GMPR: variants seen among roughly 807,000 people sequenced by gnomAD.
The protein encoded by GMPR is GMP reductase 1.
In GMPR, 31 loss-of-function variants were observed where a neutral mutation model predicts 38.4. The observed-to-expected ratio is 0.81, with a 90% CI of 0.61 to 1.09. The LOEUF is 1.09. GMPR is among the 50% of genes least tolerant of loss of function. The pLI is 0.00. For missense variants in GMPR, 468 were observed against 453.7 expected (o/e 1.03, Z -0.29); for synonymous variants, 162 against 173.3 (o/e 0.93, Z 0.51).
At chr6:16,268,985 G>GA (rs1266208216) in intron 4 of GMPR, among the ~76,000 whole-genome samples, 1 of 149,336 alleles carries the variant, frequency 6.7e-6, no homozygotes, top group Non-Finnish European at 1.5e-5. Context: ...GTCCCTTCAC[G>GA]AAAAAAATAA....
intron 4 of GMPR, among the ~76,000 whole-genome samples, chr6:16,255,859 TA>T (rs1388381054): frequency 6.6e-6 from 1 of 152,224 alleles, no homozygotes; most frequent in African/African-American, 2.4e-5. Flanking sequence ...AGTCTTCTTC[TA>T]AAGGACTTTC....
At chr6:16,240,071 A>C (rs1386025734) in intron 1 of GMPR, among the ~76,000 whole-genome samples, 1 of 152,214 alleles carries the variant, frequency 6.6e-6, no homozygotes, top group African/African-American at 2.4e-5. Flanking sequence ...GACCAAGATG[A>C]AATAGGGGGA....
intron 4 of GMPR, among the ~76,000 whole-genome samples, chr6:16,265,499 G>C (rs1561826234): frequency 6.6e-6 from 1 of 152,170 alleles, no homozygotes; most frequent in Non-Finnish European, 1.5e-5. Context: ...GGTCCAGTGG[G>C]GACTTGGAGA....
chr6:16,252,519 T>G (rs937208283), intron 3 of GMPR, among the ~76,000 whole-genome samples: 1 of 152,204 alleles, frequency 6.6e-6, no homozygotes, highest in Non-Finnish European at 1.5e-5. Flanking sequence ...ATTATAGGCA[T>G]GAGCCACCAT....
At chr6:16,278,365 G>A (rs1759515439) in intron 5 of GMPR, among the ~76,000 whole-genome samples, 2 of 152,200 alleles carry the variant, frequency 1.3e-5, no homozygotes, top group African/African-American at 2.4e-5. Flanking sequence ...AAGGTTGAAG[G>A]TAAAGAAGCT....
intron 4 of GMPR, among the ~76,000 whole-genome samples, chr6:16,264,081 A>G (rs1356272341): frequency 6.6e-6 from 1 of 151,954 alleles, no homozygotes; most frequent in Non-Finnish European, 1.5e-5. Flanking sequence ...GCGTGGTCTG[A>G]CACCTCTGAA....
chr6:16,277,361 A>C (rs1431262152), intron 5 of GMPR, among the ~76,000 whole-genome samples: 1 of 152,120 alleles, frequency 6.6e-6, no homozygotes, highest in Non-Finnish European at 1.5e-5. Flanking sequence ...TTAGCATCCT[A>C]CAAGGTGGTG....
intron 4 of GMPR, among the ~76,000 whole-genome samples, chr6:16,256,563 A>C (rs900010451): frequency 1.3e-5 from 2 of 151,512 alleles, no homozygotes; most frequent in Non-Finnish European, 2.9e-5. Context: ...AGTTGTTCCA[A>C]GGTCAACCAG....
chr6:16,269,130 C>G (rs188340051), intron 4 of GMPR, among the ~76,000 whole-genome samples: 14 of 151,896 alleles, frequency 9.2e-5, no homozygotes, highest in Admixed American at 6.6e-4. Context: ...ACAGAAAGTA[C>G]TTTTAAATGG....
intron 6 of GMPR, among the ~76,000 whole-genome samples, chr6:16,284,340 T>G (rs1759634957): frequency 6.6e-6 from 1 of 152,226 alleles, no homozygotes; most frequent in Admixed American, 6.5e-5. Context: ...GAGATGTTCT[T>G]CACAAGGTGG....
At chr6:16,284,390 G>T (rs573726793) in intron 6 of GMPR, among the ~76,000 whole-genome samples, 115 of 152,332 alleles carry the variant, frequency 7.5e-4, no homozygotes, top group African/African-American at 2.7e-3. Flanking sequence ...AGAGGTGTGT[G>T]CACTTTCCTG....
intron 4 of GMPR, among the ~76,000 whole-genome samples, chr6:16,263,569 G>T (rs2113682099): frequency 6.6e-6 from 1 of 151,716 alleles, no homozygotes; most frequent in Non-Finnish European, 1.5e-5. Flanking sequence ...AAGGGGTTGG[G>T]GCGTGGAAAT....
intron 6 of GMPR, among the ~76,000 whole-genome samples, chr6:16,283,397 T>A (rs1038489400): frequency 6.6e-6 from 1 of 152,164 alleles, no homozygotes; most frequent in Non-Finnish European, 1.5e-5. Context: ...GAAAGGACAC[T>A]TTGAACACTT....
intron 4 of GMPR, chr6:16,264,651 G>T (rs1486655063): frequency 6.6e-6 from 1 of 152,068 alleles, no homozygotes; most frequent in Non-Finnish European, 1.5e-5. Context: ...TACAGTCAAA[G>T]GGGGGGTTGT....
chr6:16,278,250 C>A (rs150110278), intron 5 of GMPR, among the ~76,000 whole-genome samples: 3 of 152,252 alleles, frequency 2.0e-5, no homozygotes, highest in African/African-American at 7.2e-5. Flanking sequence ...CAAGCGGTAT[C>A]CCTCCCTGTG....
intron 7 of GMPR, among the ~76,000 whole-genome samples, chr6:16,289,023 C>A (rs183778294): frequency 1.4e-4 from 22 of 152,170 alleles, no homozygotes; most frequent in African/African-American, 5.3e-4. Context: ...AGCAGGCTGC[C>A]GGAGCCAGCA....
At chr6:16,278,746 T>TAACC in intron 5 of GMPR, 38 bp from the exon 6 acceptor site, 1 of 1,361,618 alleles carries the variant, frequency 7.3e-7, no homozygotes, top group Admixed American at 1.7e-5. Flanking sequence ...TTCTCATGTA[T>TAACC]AACCATCTAT....
intron 4 of GMPR, among the ~76,000 whole-genome samples, chr6:16,269,241 TC>T (rs1446845369): frequency 1.3e-5 from 2 of 152,002 alleles, no homozygotes; most frequent in Admixed American, 6.6e-5. Flanking sequence ...AGTGGGTACA[TC>T]CACCCCCATT....
intron 8 of GMPR, among the ~76,000 whole-genome samples, chr6:16,291,757 A>T (rs929252072): frequency 3.3e-5 from 5 of 152,120 alleles, no homozygotes; most frequent in African/African-American, 1.2e-4. Flanking sequence ...CAAAAAAATT[A>T]AAAATTAGCT....
Sources: allele counts gnomAD v4.1 joint callset (sites outside exome capture counted in the v4.1 genomes callset), GRCh38; gene constraint gnomAD v4.1.1; transcripts MANE v1.5; gene names NCBI Gene and HGNC (gene_info 2026-07-23, HGNC 2026-07-21).